Variants in SNX29 observed in about 807,000 individuals in gnomAD.
SNX29 encodes sorting nexin-29.
SNX29 carries 78 observed loss-of-function variants against 102.1 expected under a neutral mutation model. That is an observed-to-expected ratio of 0.76 (90% CI 0.64 to 0.92). The LOEUF (loss-of-function observed/expected upper bound fraction) is 0.92, where lower values mean the gene tolerates loss of function less well. Ranked by LOEUF, SNX29 falls within the 40% of genes least tolerant of loss-of-function variation. The pLI, the probability that SNX29 is intolerant of heterozygous loss-of-function variation, is 0.00. For missense variants in SNX29, 1,280 were observed against 1,061.7 expected, an observed-to-expected ratio of 1.21 and a Z score of -2.86; for synonymous variants, 580 against 414.5, an observed-to-expected ratio of 1.40 and a Z score of -4.85.
chr16:12,561,396 CCACA>C (rs1310136279), intron 20 of SNX29, among the ~76,000 whole-genome samples: 2 of 152,136 alleles, frequency 1.3e-5, no homozygotes. Context: ...CACATCCCCG[CCACA>C]CACACAGATC....
chr16:12,124,243 G>A (rs1001481585), intron 11 of SNX29, among the ~76,000 whole-genome samples: 1 of 151,742 alleles, frequency 6.6e-6, no homozygotes, highest in Non-Finnish European at 1.5e-5. Context: ...GTAATCTCAG[G>A]TACGTGGGAG....
chr16:12,493,158 C>T (rs1002592146), intron 19 of SNX29, among the ~76,000 whole-genome samples: 2 of 152,172 alleles, frequency 1.3e-5, no homozygotes, highest in African/African-American at 4.8e-5. Context: ...TTCTTCCTAC[C>T]CATGAGGATG....
chr16:12,106,293 A>C (rs1012666604), intron 11 of SNX29, among the ~76,000 whole-genome samples: 7 of 151,434 alleles, frequency 4.6e-5, no homozygotes, highest in African/African-American at 1.7e-4. Context: ...AGAGACCCTG[A>C]GCAACACTGG....
intron 15 of SNX29, among the ~76,000 whole-genome samples, chr16:12,320,066 A>C (rs1364143819): frequency 6.6e-6 from 1 of 152,080 alleles, no homozygotes; most frequent in Non-Finnish European, 1.5e-5. Context: ...CTCTGCAGTC[A>C]CCTTCCAGTG....
At chr16:12,163,179 G>A (rs1462113344) in intron 13 of SNX29, among the ~76,000 whole-genome samples, 1 of 152,214 alleles carries the variant, frequency 6.6e-6, no homozygotes. Context: ...ACTGCGTCTG[G>A]CCAGTTGTTG....
chr16:12,177,236 G>A (rs1890918913), intron 13 of SNX29, among the ~76,000 whole-genome samples: 1 of 152,176 alleles, frequency 6.6e-6, no homozygotes, highest in South Asian at 2.1e-4. Flanking sequence ...ATGGGTGTGA[G>A]CCACCATGCC....
At chr16:12,121,453 G>T (rs868362052) in intron 11 of SNX29, among the ~76,000 whole-genome samples, 20 of 152,262 alleles carry the variant, frequency 1.3e-4, no homozygotes, top group African/African-American at 4.8e-4. Context: ...AGGTCGGCCC[G>T]CACTTCTCCC....
intron 20 of SNX29, among the ~76,000 whole-genome samples, chr16:12,530,775 C>T (rs1597769163): frequency 6.6e-6 from 1 of 152,162 alleles, no homozygotes; most frequent in African/African-American, 2.4e-5. Flanking sequence ...AGGAGTGTCT[C>T]AAACTCCTGA....
intron 14 of SNX29, among the ~76,000 whole-genome samples, chr16:12,259,484 C>T (rs921960679): frequency 2.6e-5 from 4 of 152,140 alleles, no homozygotes; most frequent in Admixed American, 6.5e-5. Context: ...TCCTCCAGCC[C>T]GCAGCCCCCA....
intron 19 of SNX29, among the ~76,000 whole-genome samples, chr16:12,516,106 T>C (rs1423838247): frequency 1.3e-5 from 2 of 152,168 alleles, no homozygotes; most frequent in African/African-American, 4.8e-5. Context: ...GGCTCTCGTC[T>C]AATTGCAAGG....
At chr16:12,061,020 G>A (rs1174049299) in intron 8 of SNX29, among the ~76,000 whole-genome samples, 1 of 152,156 alleles carries the variant, frequency 6.6e-6, no homozygotes, top group South Asian at 2.1e-4. Flanking sequence ...TTCGGAACGT[G>A]GAGCAGATGG....
At chr16:12,514,301 C>T (rs2089764573) in intron 19 of SNX29, among the ~76,000 whole-genome samples, 1 of 152,036 alleles carries the variant, frequency 6.6e-6, no homozygotes, top group Non-Finnish European at 1.5e-5. Context: ...ATGTGGCTTC[C>T]TAGGGCTGCC....
intron 14 of SNX29, among the ~76,000 whole-genome samples, chr16:12,232,385 G>C (rs2077795814): frequency 1.3e-5 from 2 of 152,178 alleles, no homozygotes; most frequent in African/African-American, 4.8e-5. Flanking sequence ...AAATTAGCTG[G>C]ACATAGTGGC....
chr16:12,550,421 C>A (rs2856778), intron 20 of SNX29, among the ~76,000 whole-genome samples: 50,612 of 151,596 alleles, frequency 0.33, 10,362 homozygotes, highest in East Asian at 0.73. Flanking sequence ...TGTACTCCCA[C>A]CTACTTGGGA....
chr16:12,302,298 A>G (rs1432847674), intron 15 of SNX29, among the ~76,000 whole-genome samples: 1 of 152,338 alleles, frequency 6.6e-6, no homozygotes, highest in Non-Finnish European at 1.5e-5. Flanking sequence ...GTCAGTTTCT[A>G]CAGTTACAGC....
intron 18 of SNX29, among the ~76,000 whole-genome samples, chr16:12,462,193 C>G (rs562961679): frequency 6.6e-6 from 1 of 151,466 alleles, no homozygotes; most frequent in East Asian, 2.0e-4. Context: ...CAGTCCTGGC[C>G]CTGCAGCCTG....
At chr16:12,392,969 G>A (rs954352133) in intron 16 of SNX29, among the ~76,000 whole-genome samples, 2 of 152,206 alleles carry the variant, frequency 1.3e-5, no homozygotes, top group African/African-American at 4.8e-5. Flanking sequence ...ACAGAACCAT[G>A]CCATTTCACA....
Position 12,557,015 on chromosome 16 carries a change from A to ACACCCC in SNX29, c.2319-11490_2319-11489insACCCCC, listed in dbSNP as rs66825746. ...GGTACACACCACATCTGGCTAATTT[A>ACACCCC]CCCCCCCCCCGCCCCAAGATGAGGT... is the stretch of plus-strand genomic sequence containing the variant. On this transcript the variant is annotated intron_variant, in intron 20 of 20. Transcript: ENST00000566228. Among the ~76,000 whole-genome samples, 48 of 31,818 alleles carry ACACCCC rather than the reference A, an allele frequency of 1.5e-3. 3 individuals are homozygous for ACACCCC. The highest frequency in any genetic ancestry group is 5.8e-3 in the East Asian group (9 of 1,546). 20.9% of individuals were successfully genotyped at this position (31,818 alleles called of 152,430 possible).
intron 13 of SNX29, among the ~76,000 whole-genome samples, chr16:12,166,107 A>G (rs748361144): frequency 2.0e-5 from 3 of 152,246 alleles, no homozygotes; most frequent in Non-Finnish European, 2.9e-5. Context: ...CGTTATCGTA[A>G]TAATAGTAGC....
Sources: gnomAD v4.1 joint callset for allele counts (sites outside exome capture counted in the v4.1 genomes callset) on GRCh38, gnomAD v4.1.1 for gene constraint, MANE v1.5 for transcripts, NCBI Gene and HGNC (gene_info 2026-07-23, HGNC 2026-07-21) for gene names.